The following DOCK4 variants were observed in gnomAD, a reference collection of about 807,000 sequenced individuals.
DOCK4 encodes dedicator of cytokinesis protein 4.
DOCK4 carries 97 observed loss-of-function variants against 268.1 expected under a neutral mutation model. That is an observed-to-expected ratio of 0.36 (90% confidence interval 0.31 to 0.43). DOCK4 has a LOEUF of 0.43. Ranked by LOEUF, DOCK4 falls within the 20% of genes least tolerant of loss-of-function variation. DOCK4 has a pLI of 1.00. For missense variants in DOCK4, 2,145 were observed against 2,455.7 expected (o/e 0.87, Z 2.67); for synonymous variants, 954 against 887.2 (o/e 1.08, Z -1.34).
In DOCK4 at chr7:111,782,801, T is replaced by C. The variant is rs556474148; in HGVS notation, c.3585+63A>G. 6 of 1,493,866 alleles carry C rather than the reference T, an allele frequency of 4.0e-6. No individual in the cohort carries two copies. The African/African-American group carries it at 4.1e-5, about 10-fold the overall frequency. The allele number at this position is 1,493,866 out of a possible 1,614,324, so 92.5% of individuals were successfully genotyped here. On this transcript the variant is annotated intron_variant, in intron 35 of 52. Coordinates refer to ENST00000428084, the MANE Select transcript of DOCK4 (RefSeq NM_001363540.2). ...CAGATTAAACACAAACAAAACATAGTATTTCTGGGAAAAAAATACAAGTAT... is the reference window on the plus strand; with the variant it reads ...CAGATTAAACACAAACAAAACATAGCATTTCTGGGAAAAAAATACAAGTAT...
At chr7:112,046,983 C>T (rs1804882094) in intron 1 of DOCK4, among the ~76,000 whole-genome samples, 1 of 152,120 alleles carries the variant, frequency 6.6e-6, no homozygotes, top group African/African-American at 2.4e-5. Flanking sequence ...TTTAAGTATC[C>T]CAGAAAACAT....
At chr7:112,134,176 G>C (rs1417918636) in intron 1 of DOCK4, among the ~76,000 whole-genome samples, 1 of 152,036 alleles carries the variant, frequency 6.6e-6, no homozygotes, top group Non-Finnish European at 1.5e-5. Context: ...ATAATTTATA[G>C]AGTTAAGACA....
At chr7:112,143,374 T>C (rs1287767342) in intron 1 of DOCK4, among the ~76,000 whole-genome samples, 4 of 152,140 alleles carry the variant, frequency 2.6e-5, no homozygotes, top group African/African-American at 9.7e-5. Context: ...TACGGTCAAG[T>C]ATGATTAACT....
chr7:112,066,690 C>CATATAT (rs751631282), intron 1 of DOCK4, among the ~76,000 whole-genome samples: 53 of 20,904 alleles, frequency 2.5e-3, no homozygotes, highest in Non-Finnish European at 3.7e-3. Context: ...TATACATATA[C>CATATAT]ATATATATAT....
intron 1 of DOCK4, among the ~76,000 whole-genome samples, chr7:112,133,873 A>T (rs541606585): frequency 1.3e-5 from 2 of 152,360 alleles, no homozygotes; most frequent in East Asian, 1.9e-4. Flanking sequence ...ACTGTGAGTT[A>T]TCTCACATTA....
At chr7:112,027,336 C>A (rs976575851) in intron 1 of DOCK4, among the ~76,000 whole-genome samples, 9 of 152,086 alleles carry the variant, frequency 5.9e-5, no homozygotes, top group Admixed American at 2.0e-4. Context: ...GAGATTCTCC[C>A]GCCTCAGCCT....
intron 1 of DOCK4, among the ~76,000 whole-genome samples, chr7:112,117,241 C>T (rs1275430800): frequency 6.6e-6 from 1 of 152,236 alleles, no homozygotes; most frequent in African/African-American, 2.4e-5. Context: ...AGCCCTCATT[C>T]ACAAATAAAC....
At chr7:111,783,544 C>T (rs1798937867) in intron 34 of DOCK4, among the ~76,000 whole-genome samples, 1 of 151,580 alleles carries the variant, frequency 6.6e-6, no homozygotes, top group African/African-American at 2.4e-5. Flanking sequence ...GTTCTAGGGG[C>T]TAAGTCTAAA....
In DOCK4 at chr7:112,175,268, T is replaced by C. The variant is rs140866663; in HGVS notation, c.37+30834A>G. 2.0e-5 allele frequency among the ~76,000 whole-genome samples: 3 copies of C among 152,292 alleles called. No individual in the cohort carries two copies. In the East Asian group the frequency reaches 5.8e-4, roughly 29 times the overall value. ...GTGTCCTATAATGACATTTGAAAAT[T>C]AAACTATAACATGAGTCTCTAAAAT... is the stretch of plus-strand genomic sequence containing the variant. On this transcript the variant is annotated intron_variant, in intron 1 of 52. Transcript: ENST00000428084.
intron 1 of DOCK4, among the ~76,000 whole-genome samples, chr7:112,100,495 G>A (rs910431991): frequency 6.6e-6 from 1 of 152,248 alleles, no homozygotes; most frequent in African/African-American, 2.4e-5. Context: ...CTCTGAGCCT[G>A]CTAGAGACCT....
At chr7:111,752,385 C>T (rs773734736) in intron 42 of DOCK4, among the ~76,000 whole-genome samples, 1 of 151,900 alleles carries the variant, frequency 6.6e-6, no homozygotes, top group Non-Finnish European at 1.5e-5. Flanking sequence ...CACTAGGTGG[C>T]GCTATCGGTG....
intron 36 of DOCK4, among the ~76,000 whole-genome samples, chr7:111,775,676 C>T (rs1298896449): frequency 6.6e-6 from 1 of 152,190 alleles, no homozygotes; most frequent in African/African-American, 2.4e-5. Flanking sequence ...AGAAGATCCC[C>T]TGTGGGGTGA....
At chr7:111,762,731 ATTCT>A (rs1797493034) in intron 39 of DOCK4, among the ~76,000 whole-genome samples, 1 of 108,562 alleles carries the variant, frequency 9.2e-6, no homozygotes, top group Non-Finnish European at 2.1e-5. Context: ...CTGCGTTAAT[ATTCT>A]TTAAATAACC....
In DOCK4 at chr7:111,741,191, T is replaced by C. The variant is rs1299364889; in HGVS notation, c.4943A>G (p.Asn1648Ser). The stretch of plus-strand genomic sequence containing the variant: ...GGACAGTGAGGAGGAAGAATATCGG[T>C]TGACAGCTGGGTAACTTAACGGGCT... ...RRSPLSYPAV[N>S]RYSSSSLSSQ... The change falls in exon 47 of 53, where the codon AAC becomes AGC. Residue 1648 changes from asparagine (N) to serine (S), a missense_variant. Asn to Ser is a conservative substitution (Grantham distance 46). Coordinates refer to ENST00000428084, the MANE Select transcript of DOCK4 (RefSeq NM_001363540.2). 6.2e-7 allele frequency: 1 copy of C among 1,613,830 alleles called. No homozygotes were observed. Among genetic ancestry groups the C allele is most frequent in the Admixed American group, 1.7e-5 (1 of 60,002 alleles).
In DOCK4 at chr7:111,811,926, T is replaced by C. The variant is rs1355875656; in HGVS notation, c.2954A>G (p.Tyr985Cys). ...GTTCTTACGAAGTGCATCTGAGAGGTATAGAACTGTTGTAATAATAACACT... is the reference window on the plus strand; with the variant it reads ...GTTCTTACGAAGTGCATCTGAGAGGCATAGAACTGTTGTAATAATAACACT... Reference protein sequence around the residue: ...ANNVIITTVLYLSDALRKNFL... With the variant: ...ANNVIITTVLCLSDALRKNFL... Residue 985 changes from tyrosine (Y) to cysteine (C), a missense_variant, in exon 28 of 53, where the codon TAC becomes TGC. Physicochemically the swap from Tyr to Cys is radical, Grantham distance 194 (BLOSUM62 -2). This residue lies in a region of DOCK4 where 1,598 missense variants were observed against 1,986.7 expected (regional missense o/e 0.80). Transcript: ENST00000428084. 1 of 1,524,960 alleles carries C rather than the reference T, an allele frequency of 6.6e-7. No homozygotes were observed. The highest frequency in any genetic ancestry group is 8.9e-7 in the Non-Finnish European group (1 of 1,126,518). The allele number at this position is 1,524,960 out of a possible 1,614,324, so 94.5% of individuals were successfully genotyped here.
chr7:111,757,734 G>A (rs1011953731), intron 41 of DOCK4, among the ~76,000 whole-genome samples: 3 of 152,140 alleles, frequency 2.0e-5, no homozygotes, highest in Admixed American at 6.5e-5. Context: ...AACTGACACC[G>A]GCAGAGCTGA....
chr7:112,124,217 T>C (rs1006778265), intron 1 of DOCK4, among the ~76,000 whole-genome samples: 5 of 152,088 alleles, frequency 3.3e-5, no homozygotes, highest in Admixed American at 6.6e-5. Context: ...GACGAGATCC[T>C]GTTTTGTCGT....
chr7:112,198,965 C>A (rs947651923), intron 1 of DOCK4, among the ~76,000 whole-genome samples: 2 of 152,172 alleles, frequency 1.3e-5, no homozygotes, highest in Non-Finnish European at 2.9e-5. Flanking sequence ...ACAGACAACA[C>A]GGCAAGGGAC....
chr7:111,986,251 A>G (rs780086324), intron 6 of DOCK4, among the ~76,000 whole-genome samples: 7 of 152,196 alleles, frequency 4.6e-5, no homozygotes, highest in Non-Finnish European at 1.0e-4. Context: ...CATCAGTCAC[A>G]TGCAGGAGGA....
Sources: gnomAD v4.1 joint callset for allele counts (sites outside exome capture counted in the v4.1 genomes callset) on GRCh38, gnomAD v4.1.1 for gene constraint, gnomAD v4.1.1 regional missense constraint, MANE v1.5 for transcripts, NCBI Gene and HGNC (gene_info 2026-07-23, HGNC 2026-07-21) for gene names.